Variants in MROH9 observed in about 807,000 individuals in gnomAD.
The protein encoded by MROH9 is maestro heat like repeat family member 9.
MROH9 carries 92 observed loss-of-function variants against 98.2 expected under a neutral mutation model. The ratio of observed to expected loss-of-function variants is 0.94; its 90% confidence interval spans 0.79 to 1.11. The LOEUF (loss-of-function observed/expected upper bound fraction) is 1.11, where lower values mean the gene tolerates loss of function less well. Ranked by LOEUF, MROH9 falls within the 50% of genes most tolerant of loss-of-function variation. The probability of loss-of-function intolerance (pLI) is 0.00; values close to 1 mark genes in which losing one functional copy is unlikely to be tolerated. For missense variants in MROH9, 1,057 were observed against 1,014.8 expected, an observed-to-expected ratio of 1.04 and a Z score of -0.57; for synonymous variants, 397 against 368.9, an observed-to-expected ratio of 1.08 and a Z score of -0.87.
In MROH9 at chr1:171,064,356, A is replaced by C. The variant is rs763254054; in HGVS notation, c.*16A>C. The C allele has an allele frequency of 4.0e-6, 6 of 1,510,908 alleles. No individual in the cohort carries two copies. The highest frequency in any genetic ancestry group is 5.3e-6 in the Non-Finnish European group (6 of 1,132,854). The allele number at this position is 1,510,908 out of a possible 1,614,324, so 93.6% of individuals were successfully genotyped here. Reference sequence around the variant, plus strand: ...GGCCTTATAGAAGAGAATGATGATGACATTCATCATTCATAAACAATGGGA... The same window carrying C: ...GGCCTTATAGAAGAGAATGATGATGCCATTCATCATTCATAAACAATGGGA... On this transcript the variant is annotated 3_prime_UTR_variant, in exon 22 of 22. Transcript: ENST00000367759.
At chr1:170,962,221 T>C (rs2101893551) in intron 6 of MROH9, among the ~76,000 whole-genome samples, 1 of 152,214 alleles carries the variant, frequency 6.6e-6, no homozygotes, top group Admixed American at 6.5e-5. Context: ...TCTCATGTGG[T>C]GATATATGGG....
At chr1:171,006,751 C>T (rs776494167) in intron 15 of MROH9, among the ~76,000 whole-genome samples, 24 of 149,806 alleles carry the variant, frequency 1.6e-4, no homozygotes, top group Non-Finnish European at 3.4e-4. Flanking sequence ...ATCAAGTCTG[C>T]TCTCAAAAGT....
chr1:170,953,759 A>G (rs1324645356), intron 3 of MROH9, among the ~76,000 whole-genome samples: 2 of 150,776 alleles, frequency 1.3e-5, no homozygotes, highest in Non-Finnish European at 3.0e-5. Context: ...AAAGAAAAGA[A>G]AGAGAAAGAA....
intron 11 of MROH9, among the ~76,000 whole-genome samples, chr1:170,991,825 G>A (rs1651367281): frequency 6.6e-6 from 1 of 152,006 alleles, no homozygotes; most frequent in Non-Finnish European, 1.5e-5. Context: ...AACAAACAAA[G>A]TCACAAGGCC....
chr1:170,991,347 A>G (rs1362149326), intron 11 of MROH9, among the ~76,000 whole-genome samples: 1 of 152,122 alleles, frequency 6.6e-6, no homozygotes. Context: ...GTTGATGTCC[A>G]TGTGATTCTA....
intron 15 of MROH9, 83 bp downstream of exon 15, chr1:170,998,357 C>G (rs777259454): frequency 8.9e-5 from 144 of 1,611,820 alleles, no homozygotes; most frequent in Non-Finnish European, 1.2e-4. Flanking sequence ...TTTCTCGTAT[C>G]TCTCCCTCTG....
chr1:170,965,846 A>G (rs1310565919), intron 7 of MROH9, among the ~76,000 whole-genome samples: 1 of 152,088 alleles, frequency 6.6e-6, no homozygotes, highest in Non-Finnish European at 1.5e-5. Flanking sequence ...TTATATTCAC[A>G]TATGGTTCTA....
At chr1:170,938,858 T>C (rs1172347303) in intron 1 of MROH9, among the ~76,000 whole-genome samples, 1 of 152,220 alleles carries the variant, frequency 6.6e-6, no homozygotes, top group African/African-American at 2.4e-5. Flanking sequence ...TCAGTGTTTT[T>C]CTCTGCTACT....
chr1:170,971,926 T>C (rs748426758), intron 8 of MROH9, 43 bp downstream of exon 8: 46 of 1,598,088 alleles, frequency 2.9e-5, no homozygotes. Context: ...ACTAAGAATA[T>C]GTCCCTCGTT....
At position 170,977,217 on chromosome 1, in the gene MROH9, A is replaced by T. The variant is rs186694300; in HGVS notation, c.616+5334A>T. The stretch of plus-strand genomic sequence containing the variant: ...CTCAATGATCTTCATTCCTAGCCAT[A>T]TTCTGAATTATATTTCTGTCATTTC... On this transcript the variant is annotated intron_variant, in intron 8 of 21. Transcript: ENST00000367759. Among the ~76,000 whole-genome samples, 46 of 152,260 alleles carry T rather than the reference A, an allele frequency of 3.0e-4. No individual in the cohort carries two copies. In the East Asian group the frequency reaches 8.9e-3, roughly 29 times the overall value.
At chr1:171,032,703 G>A (rs1384323250) in intron 20 of MROH9, among the ~76,000 whole-genome samples, 1 of 152,110 alleles carries the variant, frequency 6.6e-6, no homozygotes, top group African/African-American at 2.4e-5. Flanking sequence ...TAGTAGGATC[G>A]CTCTTGTATA....
At chr1:171,050,391 C>G (rs575022959) in intron 20 of MROH9, among the ~76,000 whole-genome samples, 1 of 152,224 alleles carries the variant, frequency 6.6e-6, no homozygotes, top group African/African-American at 2.4e-5. Context: ...AGAGATCTTT[C>G]ACCTCCTTGG....
At chr1:171,010,649 T>C (rs1380999812) in intron 15 of MROH9, among the ~76,000 whole-genome samples, 1 of 152,234 alleles carries the variant, frequency 6.6e-6, no homozygotes, top group Admixed American at 6.5e-5. Flanking sequence ...AGATGTTATC[T>C]CACTGTGGTT....
At position 170,971,831 on chromosome 1, in the gene MROH9, A is replaced by T; in HGVS notation, c.564A>T (p.Lys188Asn). Residue 188 changes from lysine (K) to asparagine (N), a missense_variant, in exon 8 of 22, where the codon AAA (lysine) becomes AAT (asparagine). Lys to Asn is a moderately conservative substitution (Grantham distance 94, BLOSUM62 0). Coordinates refer to ENST00000367759, the MANE Select transcript of MROH9 (RefSeq NM_001163629.2). ...LCSHEDPSIV[K>N]QASLGMCHLL... ...CCCATGAAGATCCCTCGATTGTAAAACAAGCATCATTGGGAATGTGTCACC... is the reference window on the plus strand; with the variant it reads ...CCCATGAAGATCCCTCGATTGTAAATCAAGCATCATTGGGAATGTGTCACC... 1 of 1,614,046 alleles carries T rather than the reference A, an allele frequency of 6.2e-7. No homozygotes were observed. Among genetic ancestry groups the T allele is most frequent in the Non-Finnish European group, 8.5e-7 (1 of 1,179,926 alleles).
At chr1:171,037,728 T>C (rs1332897110) in intron 20 of MROH9, among the ~76,000 whole-genome samples, 2 of 151,890 alleles carry the variant, frequency 1.3e-5, no homozygotes, top group Non-Finnish European at 2.9e-5. Context: ...TAAAATCACA[T>C]GGAATGAATA....
At chr1:170,955,665 T>C (rs920374300) in intron 3 of MROH9, among the ~76,000 whole-genome samples, 8 of 152,216 alleles carry the variant, frequency 5.3e-5, no homozygotes, top group African/African-American at 1.9e-4. Context: ...TTGATAAGAT[T>C]GTTTTTTTCT....
intron 12 of MROH9, among the ~76,000 whole-genome samples, chr1:170,994,084 T>C (rs528914704): frequency 6.0e-4 from 92 of 152,332 alleles, no homozygotes; most frequent in African/African-American, 2.1e-3. Context: ...ATTGCGCTTA[T>C]ACATAAAAAT....
chr1:171,062,119 A>G lies in MROH9; in HGVS notation c.2282-13A>G, dbSNP rs1406676857. The G allele has an allele frequency of 6.6e-7, 1 of 1,515,204 alleles. No homozygotes were observed. Among genetic ancestry groups the G allele is most frequent in the Non-Finnish European group, 8.9e-7 (1 of 1,117,574 alleles). The allele number at this position is 1,515,204 out of a possible 1,614,324, so 93.9% of individuals were successfully genotyped here. ...GCATGTTGCAGTAACTTTAATTTTT[A>G]TTATGTGCATAGGATATTTGGCAAA... On this transcript the variant is annotated splice_polypyrimidine_tract_variant and intron_variant, in intron 20 of 21. Transcript: ENST00000367759.
chr1:171,058,920 G>A (rs533383658), intron 20 of MROH9, among the ~76,000 whole-genome samples: 1 of 152,270 alleles, frequency 6.6e-6, no homozygotes, highest in South Asian at 2.1e-4. Context: ...ATACCATTCA[G>A]GGCATATGCA....
Sources: allele counts gnomAD v4.1 joint callset (sites outside exome capture counted in the v4.1 genomes callset), GRCh38; gene constraint gnomAD v4.1.1; transcripts MANE v1.5; gene names NCBI Gene and HGNC (gene_info 2026-07-23, HGNC 2026-07-21).